Variants in GRB10 observed in about 807,000 individuals in gnomAD.
GRB10 encodes growth factor receptor-bound protein 10.
A neutral mutation model predicts 80.9 loss-of-function variants in GRB10; 20 were observed. The observed-to-expected ratio is 0.25, with a 90% CI of 0.17 to 0.36. GRB10 has a LOEUF of 0.36. GRB10 is among the 10% of genes least tolerant of loss of function. The pLI, the probability that GRB10 is intolerant of heterozygous loss-of-function variation, is 1.00. For missense variants in GRB10, 548 were observed against 747.7 expected (o/e 0.73, Z 3.12); for synonymous variants, 291 against 291.5 (o/e 1.00, Z 0.02).
At chr7:50,737,254 C>T (rs757032929) in intron 3 of GRB10, among the ~76,000 whole-genome samples, 6 of 152,140 alleles carry the variant, frequency 3.9e-5, no homozygotes, top group Non-Finnish European at 7.4e-5. Flanking sequence ...GGGAGGTGAC[C>T]GGATCATGGG....
chr7:50,638,073 C>A (rs6593077), intron 7 of GRB10, among the ~76,000 whole-genome samples: 51,469 of 151,954 alleles, frequency 0.34, 8,894 homozygotes, highest in Middle Eastern at 0.52. Context: ...GAACCTGGAC[C>A]CTTGTCTGAA....
At chr7:50,735,922 C>A (rs1388618891) in intron 3 of GRB10, among the ~76,000 whole-genome samples, 5 of 152,162 alleles carry the variant, frequency 3.3e-5, no homozygotes, top group African/African-American at 1.2e-4. Context: ...CATATGGCTT[C>A]TCAAGGGACC....
intron 11 of GRB10, 101 bp from the exon 12 acceptor site, chr7:50,614,981 T>C: frequency 1.3e-6 from 1 of 773,642 alleles, no homozygotes; most frequent in Middle Eastern, 2.2e-4. Context: ...TACAAGCACT[T>C]TCCCCGATGA....
chr7:50,702,123 C>A (rs1199262659), intron 5 of GRB10, among the ~76,000 whole-genome samples: 1 of 152,206 alleles, frequency 6.6e-6, no homozygotes, highest in African/African-American at 2.4e-5. Context: ...TTGCAGTCTG[C>A]GTCACTGCAC....
At chr7:50,651,826 C>G (rs2058033764) in intron 7 of GRB10, among the ~76,000 whole-genome samples, 1 of 152,216 alleles carries the variant, frequency 6.6e-6, no homozygotes. Context: ...ATGACAGTAG[C>G]TTTATAACAT....
At chr7:50,748,182 G>A (rs968735613) in intron 3 of GRB10, among the ~76,000 whole-genome samples, 3 of 152,152 alleles carry the variant, frequency 2.0e-5, no homozygotes, top group East Asian at 1.9e-4. Flanking sequence ...CATCTTTAAC[G>A]GGGTCCTGTG....
chr7:50,631,079 T>A (rs1468449), intron 7 of GRB10, among the ~76,000 whole-genome samples: 129,319 of 152,088 alleles, frequency 0.85, 55,178 homozygotes, highest in East Asian at 0.94. Context: ...CACGGGGTTG[T>A]TGTGTGTGTG....
intron 4 of GRB10, chr7:50,726,773 A>G (rs1387600085): frequency 6.6e-6 from 1 of 152,222 alleles, no homozygotes. Flanking sequence ...GAAATTCAAT[A>G]AGTCCAAAAT....
chr7:50,715,414 T>C (rs2066696529), intron 4 of GRB10, among the ~76,000 whole-genome samples: 1 of 151,784 alleles, frequency 6.6e-6, no homozygotes, highest in Non-Finnish European at 1.5e-5. Flanking sequence ...TGCCAAAGAG[T>C]GACTTTTCCC....
chr7:50,697,336 C>T (rs1199328415), intron 5 of GRB10, among the ~76,000 whole-genome samples: 1 of 152,108 alleles, frequency 6.6e-6, no homozygotes, highest in African/African-American at 2.4e-5. Flanking sequence ...TTTTCAAAAT[C>T]GTCAAAAGTA....
chr7:50,604,848 T>C (rs1563126940), intron 15 of GRB10: 4 of 290,186 alleles, frequency 1.4e-5, no homozygotes, highest in Non-Finnish European at 2.6e-5. Flanking sequence ...AGCCGAGTGA[T>C]AGTCTTCCCA....
chr7:50,648,237 C>T (rs1347725978), intron 7 of GRB10, among the ~76,000 whole-genome samples: 2 of 152,032 alleles, frequency 1.3e-5, no homozygotes, highest in Admixed American at 1.3e-4. Flanking sequence ...GAAACCCAGA[C>T]GGAGCTGTGG....
chr7:50,726,243 C>CA (rs1226242703), intron 4 of GRB10, among the ~76,000 whole-genome samples: 1 of 152,002 alleles, frequency 6.6e-6, no homozygotes, highest in Non-Finnish European at 1.5e-5. Context: ...GCTAAAAATA[C>CA]AAAAATTAGC....
Position 50,669,759 on chromosome 7 carries a change from G to C in GRB10, c.467C>G (p.Pro156Arg). ...GGCCTGGCTCGGAGGTAAAGAACCC[G>C]GCGTGAGCACAGGGGGGCTCCCAGG... Reference protein sequence around the residue: ...CGPGSPPVLTPGSLPPSQAAA... With the variant: ...CGPGSPPVLTRGSLPPSQAAA... Residue 156 changes from proline (P) to arginine (R), a missense_variant, in exon 7 of 19, where the codon CCG becomes CGG. Coordinates refer to ENST00000401949, the MANE Select transcript of GRB10 (RefSeq NM_001350814.2). 6.2e-7 allele frequency: 1 copy of C among 1,613,774 alleles called. No individual in the cohort carries two copies. The highest frequency in any genetic ancestry group is 8.5e-7 in the Non-Finnish European group (1 of 1,180,000).
At chr7:50,731,657 G>A (rs1032769381) in intron 4 of GRB10, among the ~76,000 whole-genome samples, 3 of 152,210 alleles carry the variant, frequency 2.0e-5, no homozygotes, top group Non-Finnish European at 2.9e-5. Flanking sequence ...TTCAGAAGAT[G>A]AAGGGAACTT....
At position 50,604,312 on chromosome 7, in the gene GRB10, T is replaced by G; in HGVS notation, c.1455A>C (p.Thr485=). The change falls in exon 16 of 19, where the codon ACA becomes ACC. Residue 485 remains threonine, a splice_region_variant and synonymous_variant. Coordinates refer to ENST00000401949, the MANE Select transcript of GRB10 (RefSeq NM_001350814.2). ...QSPLHPSTLS[T]VIHRTQHWFH... ...CATCAGGCAATGTGCCCTGTTTACC[T>G]GTACTTAGGGTAGAAGGGTGGAGGG... 6.2e-7 allele frequency: 1 copy of G among 1,611,442 alleles called. No individual in the cohort carries two copies. Among genetic ancestry groups the G allele is most frequent in the Non-Finnish European group, 8.5e-7 (1 of 1,177,622 alleles).
chr7:50,675,197 T>TACA (rs1403448675), intron 5 of GRB10, among the ~76,000 whole-genome samples: 79 of 152,384 alleles, frequency 5.2e-4, no homozygotes, highest in African/African-American at 1.8e-3. Context: ...TGGCTGCTAC[T>TACA]ACAACACATG....
chr7:50,622,004 C>T (rs1248744438), intron 8 of GRB10, among the ~76,000 whole-genome samples: 3 of 152,224 alleles, frequency 2.0e-5, no homozygotes, highest in Non-Finnish European at 4.4e-5. Flanking sequence ...AGCCGGTGCA[C>T]GGAAGCTGTG....
chr7:50,766,314 T>C (rs1209288799), intron 2 of GRB10, among the ~76,000 whole-genome samples: 1 of 152,218 alleles, frequency 6.6e-6, no homozygotes, highest in Non-Finnish European at 1.5e-5. Context: ...AATGAGGCTA[T>C]TAAGTGCTTG....
Sources: gnomAD v4.1 joint callset for allele counts (sites outside exome capture counted in the v4.1 genomes callset) on GRCh38, gnomAD v4.1.1 for gene constraint, MANE v1.5 for transcripts, NCBI Gene and HGNC (gene_info 2026-07-23, HGNC 2026-07-21) for gene names.